The following NOVA2 variants were observed in gnomAD, a reference collection of about 807,000 sequenced individuals.
NOVA2 encodes RNA-binding protein Nova-2.
In NOVA2, 9 loss-of-function variants were observed where a neutral mutation model predicts 22.5. The ratio of observed to expected loss-of-function variants is 0.40; its 90% confidence interval spans 0.24 to 0.70. NOVA2 has a LOEUF of 0.70. Ranked by LOEUF, NOVA2 falls within the 30% of genes least tolerant of loss-of-function variation. NOVA2 has a pLI of 0.38. For synonymous variants in NOVA2, 318 were observed against 335.2 expected, an observed-to-expected ratio of 0.95 and a Z score of 0.56; for missense variants, 383 against 682.8, an observed-to-expected ratio of 0.56 and a Z score of 4.89.
rs2035252440 is a variant in NOVA2 at position 45,934,444 on chromosome 19, C to T, written c.*5419G>A. ...GGCATCCTCCCAGACTACACCTTTC[C>T]ACACCTCTCCCACCACCCTGCCGGG... On this transcript the variant is annotated 3_prime_UTR_variant, in exon 4 of 4. Coordinates refer to ENST00000263257, the MANE Select transcript of NOVA2 (RefSeq NM_002516.4). 1 of 152,230 alleles carries T rather than the reference C, an allele frequency of 6.6e-6. No homozygotes were observed. Among genetic ancestry groups the T allele is most frequent in the African/African-American group, 2.4e-5 (1 of 41,418 alleles). 9.4% of individuals were successfully genotyped at this position (152,230 alleles called of 1,614,324 possible).
chr19:45,964,727 A>G (rs954852239), intron 1 of NOVA2, among the ~76,000 whole-genome samples: 1 of 151,818 alleles, frequency 6.6e-6, no homozygotes, highest in South Asian at 2.1e-4. Context: ...CTCCTAGGTA[A>G]TTTTAAAATT....
intron 2 of NOVA2, among the ~76,000 whole-genome samples, chr19:45,959,844 A>AAGAGAG (rs1968069758): frequency 1.1e-5 from 1 of 90,388 alleles, no homozygotes; most frequent in East Asian, 3.1e-4. Flanking sequence ...GAGAGAGAGA[A>AAGAGAG]AGAGAGAGAG....
chr19:45,955,493 G>C (rs1415114739), intron 2 of NOVA2, among the ~76,000 whole-genome samples: 1 of 152,148 alleles, frequency 6.6e-6, no homozygotes, highest in Admixed American at 6.6e-5. Context: ...GGTGAGCCGG[G>C]ATGTGTGTGA....
intron 2 of NOVA2, among the ~76,000 whole-genome samples, chr19:45,959,121 G>A (rs1424829263): frequency 2.0e-5 from 3 of 152,248 alleles, no homozygotes; most frequent in African/African-American, 7.2e-5. Context: ...GAATGAATGA[G>A]TGAATGAATG....
intron 1 of NOVA2, chr19:45,962,169 G>A (rs138849492): frequency 2.6e-3 from 395 of 153,832 alleles, no homozygotes; most frequent in Non-Finnish European, 4.7e-3. Context: ...GTGAGGTGGC[G>A]ACTGCAATGG....
At chr19:45,955,892 T>C (rs995803257) in intron 2 of NOVA2, among the ~76,000 whole-genome samples, 3 of 149,792 alleles carry the variant, frequency 2.0e-5, no homozygotes, top group South Asian at 2.1e-4. Context: ...AAACAAAAAG[T>C]GTCTTGAGTG....
chr19:45,958,598 C>T (rs1968048549), intron 2 of NOVA2, among the ~76,000 whole-genome samples: 1 of 149,788 alleles, frequency 6.7e-6, no homozygotes, highest in Non-Finnish European at 1.5e-5. Context: ...TGTGTGTGAG[C>T]ATGACAGTGT....
At chr19:45,942,546 T>C (rs933640723) in intron 3 of NOVA2, among the ~76,000 whole-genome samples, 1 of 152,070 alleles carries the variant, frequency 6.6e-6, no homozygotes, top group Non-Finnish European at 1.5e-5. Context: ...GTCTGTAAAA[T>C]GAAGATAACA....
intron 3 of NOVA2, among the ~76,000 whole-genome samples, chr19:45,945,793 G>GCT (rs1463029617): frequency 6.6e-6 from 1 of 151,562 alleles, no homozygotes; most frequent in Non-Finnish European, 1.5e-5. Context: ...AGCTCCCCAT[G>GCT]CTCTATTCCC....
At chr19:45,956,919 C>T (rs1968014533) in intron 2 of NOVA2, among the ~76,000 whole-genome samples, 1 of 152,148 alleles carries the variant, frequency 6.6e-6, no homozygotes, top group Non-Finnish European at 1.5e-5. Flanking sequence ...AGGTGTCTGG[C>T]TTCAGAGTCT....
chr19:45,953,466 G>A (rs1244704969), intron 3 of NOVA2, among the ~76,000 whole-genome samples: 1 of 152,158 alleles, frequency 6.6e-6, no homozygotes, highest in African/African-American at 2.4e-5. Flanking sequence ...AGAGACAATG[G>A]GATGAGGTGG....
chr19:45,967,012 A>C (rs116890812), intron 1 of NOVA2, among the ~76,000 whole-genome samples: 1,566 of 152,344 alleles, frequency 0.01, 16 homozygotes, highest in South Asian at 0.02. Flanking sequence ...AAGTTTGTCC[A>C]TGGACCACCT....
At position 45,937,813 on chromosome 19, in the gene NOVA2, C is replaced by G. The variant is rs576325256; in HGVS notation, c.*2050G>C. The G allele has an allele frequency of 6.6e-6, 1 of 152,094 alleles. No individual in the cohort carries two copies. The highest frequency in any genetic ancestry group is 2.4e-5 in the African/African-American group (1 of 41,400). 9.4% of individuals were successfully genotyped at this position (152,094 alleles called of 1,614,324 possible). A position where few individuals can be genotyped will look rare whatever the true frequency, so the allele number is the denominator to read the frequency against. The stretch of plus-strand genomic sequence containing the variant: ...GTGGGAAATTCAGTGCAAGGTACCT[C>G]GAAGGCTATTGCTTTCTAGGGATTT... On this transcript the variant is annotated 3_prime_UTR_variant, in exon 4 of 4. Transcript: ENST00000263257.
chr19:45,970,412 G>C (rs1417248027), intron 1 of NOVA2, among the ~76,000 whole-genome samples: 1 of 148,714 alleles, frequency 6.7e-6, no homozygotes, highest in African/African-American at 2.5e-5. Flanking sequence ...GTTTCGCTCT[G>C]TTGCCCAGGC....
intron 2 of NOVA2, among the ~76,000 whole-genome samples, chr19:45,958,779 C>T (rs139212238): frequency 5.1e-4 from 78 of 152,318 alleles, no homozygotes; most frequent in African/African-American, 1.8e-3. Context: ...AACTGCTCAG[C>T]AGCCTCCGAG....
At chr19:45,972,229 G>A (rs572171560) in intron 1 of NOVA2, among the ~76,000 whole-genome samples, 117 of 151,680 alleles carry the variant, frequency 7.7e-4, no homozygotes, top group African/African-American at 2.7e-3. Context: ...CCTCTCCCTC[G>A]TCATACACCC....
chr19:45,952,772 CT>C (rs1967945183), intron 3 of NOVA2, among the ~76,000 whole-genome samples: 1 of 152,248 alleles, frequency 6.6e-6, no homozygotes, highest in Non-Finnish European at 1.5e-5. Context: ...GCCCCAAGCC[CT>C]GCGGTCTTTT....
At chr19:45,946,815 C>A (rs925219937) in intron 3 of NOVA2, among the ~76,000 whole-genome samples, 1 of 149,928 alleles carries the variant, frequency 6.7e-6, no homozygotes, top group South Asian at 2.1e-4. Flanking sequence ...GAGGTTGCAG[C>A]GAGCCGAGAT....
At position 45,936,108 on chromosome 19, in the gene NOVA2, G is replaced by C. The variant is rs974774658; in HGVS notation, c.*3755C>G. ...GAAGGTGGCTGGGCAGGTTGGCTCA[G>C]AGCCCCCTGAGATGGGGGATGAAGG... On this transcript the variant is annotated 3_prime_UTR_variant, in exon 4 of 4. Coordinates refer to ENST00000263257, the MANE Select transcript of NOVA2 (RefSeq NM_002516.4). The C allele has an allele frequency of 6.6e-6, 1 of 152,308 alleles. No individual in the cohort carries two copies. Among genetic ancestry groups the C allele is most frequent in the Non-Finnish European group, 1.5e-5 (1 of 68,114 alleles). 9.4% of individuals were successfully genotyped at this position (152,308 alleles called of 1,614,324 possible). A position where few individuals can be genotyped will look rare whatever the true frequency, so the allele number is the denominator to read the frequency against.
Sources: gnomAD v4.1 joint callset for allele counts (sites outside exome capture counted in the v4.1 genomes callset) on GRCh38, gnomAD v4.1.1 for gene constraint, MANE v1.5 for transcripts, NCBI Gene and HGNC (gene_info 2026-07-23, HGNC 2026-07-21) for gene names.